Variants in CD2AP observed in about 807,000 individuals in gnomAD.
The protein encoded by CD2AP is CD2-associated protein.
Under a neutral mutation model 85.1 loss-of-function variants are expected in CD2AP, and 46 were observed. The ratio of observed to expected loss-of-function variants is 0.54; its 90% CI spans 0.43 to 0.69. CD2AP has a LOEUF of 0.69. Ranked by LOEUF, CD2AP falls within the 30% of genes least tolerant of loss-of-function variation. CD2AP has a pLI of 0.00. For missense variants in CD2AP, 769 were observed against 729.5 expected, an observed-to-expected ratio of 1.05 and a Z score of -0.62; for synonymous variants, 255 against 252.9, an observed-to-expected ratio of 1.01 and a Z score of -0.08.
chr6:47,599,253 AG>A lies in CD2AP; in HGVS notation c.1275-47del, dbSNP rs774028312. The A allele has an allele frequency of 2.1e-5, 32 of 1,511,920 alleles. No homozygotes were observed. In the South Asian group the frequency reaches 3.5e-4, roughly 17 times the overall value. The allele number at this position is 1,511,920 out of a possible 1,614,324, so 93.7% of individuals were successfully genotyped here. A position where few individuals can be genotyped will look rare whatever the true frequency, so the allele number is the denominator to read the frequency against. On this transcript the variant is annotated intron_variant, in intron 12 of 17. Transcript: ENST00000359314. ...GTCATTAAATCACAATTTAAAAAAA[AG>A]TCGTGTTTCATACTAGTGATTTTTG...
At chr6:47,498,033 G>A (rs1050667687) in intron 1 of CD2AP, among the ~76,000 whole-genome samples, 1 of 145,984 alleles carries the variant, frequency 6.9e-6, no homozygotes, top group Non-Finnish European at 1.5e-5. Context: ...TTAATTTTGC[G>A]CAGCTGCAAA....
chr6:47,498,019 T>C (rs1388579387), intron 1 of CD2AP, among the ~76,000 whole-genome samples: 1 of 152,114 alleles, frequency 6.6e-6, no homozygotes, highest in Non-Finnish European at 1.5e-5. Flanking sequence ...TTTTGGTTCA[T>C]ATTTTAATTT....
Position 47,576,524 on chromosome 6 carries a change from C to A in CD2AP, c.730C>A (p.Pro244Thr). ...TTTATGCCATTTTTTTCTATTCTAG[C>A]CCTTAATCCTACAGTCACTGGGACC... ...SETEEKKPEK[P>T]LILQSLGPKT... The change falls in exon 7 of 18, where the codon CCC (proline) becomes ACC (threonine). Residue 244 changes from proline (P) to threonine (T), a missense_variant and splice_region_variant. Pro to Thr is a conservative substitution (Grantham distance 38). Coordinates refer to ENST00000359314, the MANE Select transcript of CD2AP (RefSeq NM_012120.3). 1 of 1,600,598 alleles carries A rather than the reference C, an allele frequency of 6.2e-7. No individual in the cohort carries two copies. The highest frequency in any genetic ancestry group is 8.6e-7 in the Non-Finnish European group (1 of 1,168,210).
chr6:47,577,075 A>G lies in CD2AP; in HGVS notation c.875A>G (p.Glu292Gly). Residue 292 changes from glutamate to glycine, a missense_variant, in exon 8 of 18, where the codon GAG becomes GGG. By Grantham distance (98) the Glu-to-Gly change is moderately conservative. Transcript: ENST00000359314. ...AATGAAGATGAACTTACTTTTAAAGAGGGGGAGATAATCCATTTGATAAGT... is the reference window on the plus strand; with the variant it reads ...AATGAAGATGAACTTACTTTTAAAGGGGGGGAGATAATCCATTTGATAAGT... ...GTNEDELTFKEGEIIHLISKE... is the reference protein window; with the variant it reads ...GTNEDELTFKGGEIIHLISKE... 1 of 1,528,950 alleles carries G rather than the reference A, an allele frequency of 6.5e-7. No homozygotes were observed. Among genetic ancestry groups the G allele is most frequent in the Non-Finnish European group, 9.1e-7 (1 of 1,102,838 alleles). 94.7% of individuals were successfully genotyped at this position (1,528,950 alleles called of 1,614,324 possible). A position where few individuals can be genotyped will look rare whatever the true frequency, so the allele number is the denominator to read the frequency against.
chr6:47,492,595 C>G (rs1015378737), intron 1 of CD2AP, among the ~76,000 whole-genome samples: 11 of 152,058 alleles, frequency 7.2e-5, no homozygotes, highest in Non-Finnish European at 1.2e-4. Context: ...ATCCTCCCGC[C>G]TGGGATTACA....
At chr6:47,528,962 C>A (rs1045469714) in intron 2 of CD2AP, among the ~76,000 whole-genome samples, 1 of 152,124 alleles carries the variant, frequency 6.6e-6, no homozygotes, top group African/African-American at 2.4e-5. Context: ...TTCTCACTCT[C>A]TTGATACGTT....
chr6:47,589,177 T>C (rs1768707243), intron 11 of CD2AP, among the ~76,000 whole-genome samples: 2 of 152,070 alleles, frequency 1.3e-5, no homozygotes, highest in African/African-American at 4.8e-5. Flanking sequence ...GACATGGGAT[T>C]TGATACGAAA....
At chr6:47,579,892 C>G in intron 9 of CD2AP, 1 of 168,752 alleles carries the variant, frequency 5.9e-6, no homozygotes, top group Non-Finnish European at 1.3e-5. Flanking sequence ...CAAGAGCACT[C>G]TGCCTCCTTA....
chr6:47,598,418 A>G (rs1424791120), intron 12 of CD2AP, among the ~76,000 whole-genome samples: 1 of 151,018 alleles, frequency 6.6e-6, no homozygotes, highest in Non-Finnish European at 1.5e-5. Flanking sequence ...CCAGAGGAAA[A>G]TAAGTTATTA....
At chr6:47,520,775 G>T (rs1243755924) in intron 2 of CD2AP, among the ~76,000 whole-genome samples, 1 of 145,860 alleles carries the variant, frequency 6.9e-6, no homozygotes, top group Non-Finnish European at 1.5e-5. Flanking sequence ...TTTGACTGTG[G>T]CACAGTGGTT....
At chr6:47,524,031 C>T (rs1766661502) in intron 2 of CD2AP, among the ~76,000 whole-genome samples, 1 of 152,026 alleles carries the variant, frequency 6.6e-6, no homozygotes, top group African/African-American at 2.4e-5. Context: ...TTATTTGTAC[C>T]ATTTCCCCCT....
chr6:47,518,394 G>A (rs1430133586), intron 2 of CD2AP, among the ~76,000 whole-genome samples: 3 of 152,116 alleles, frequency 2.0e-5, no homozygotes, highest in Non-Finnish European at 4.4e-5. Context: ...CAGGCTAGTG[G>A]CAACCACTGA....
intron 8 of CD2AP, 136 bp from the exon 9 acceptor site, chr6:47,579,249 C>A: frequency 1.6e-6 from 1 of 628,396 alleles, no homozygotes; most frequent in Non-Finnish European, 2.9e-6. Context: ...TTGGGAGGAT[C>A]ACTTGAGCCC....
At position 47,493,170 on chromosome 6, in the gene CD2AP, GCTT is replaced by G. The variant is rs549977574; in HGVS notation, c.5-10102_5-10100del. On this transcript the variant is annotated intron_variant, in intron 1 of 17. Coordinates refer to ENST00000359314, the MANE Select transcript of CD2AP (RefSeq NM_012120.3). ...TTTTATCTTCATTTATTCCTTCTATGCTTCTTCTTCATATTGATTTGAGTTTCT... is the reference window on the plus strand; with the variant it reads ...TTTTATCTTCATTTATTCCTTCTATGCTTCTTCATATTGATTTGAGTTTCT... Among the ~76,000 whole-genome samples the G allele has an allele frequency of 6.1e-4, 93 of 151,772 alleles. No homozygotes were observed. The South Asian group carries it at 0.018, about 30-fold the overall frequency.
At chr6:47,487,210 A>G (rs909942724) in intron 1 of CD2AP, among the ~76,000 whole-genome samples, 2 of 152,124 alleles carry the variant, frequency 1.3e-5, no homozygotes, top group Non-Finnish European at 2.9e-5. Context: ...GATCAAAACA[A>G]TTTTTTTAAT....
rs538739578 is a variant in CD2AP, at chr6:47,478,226, C to G, written c.-19C>G. 43 of 1,568,548 alleles carry G rather than the reference C, an allele frequency of 2.7e-5. 1 individual carries two copies. In the South Asian group the frequency reaches 4.7e-4, roughly 17 times the overall value. On this transcript the variant is annotated 5_prime_UTR_variant, in exon 1 of 18. Transcript: ENST00000359314. ...GGAGGAGGAGCGGACGTCGGCTTCT[C>G]CCCGCGGGAGCCCCCAGCATGGGTA...
chr6:47,494,047 G>A (rs918805854), intron 1 of CD2AP, among the ~76,000 whole-genome samples: 4 of 152,054 alleles, frequency 2.6e-5, no homozygotes, highest in African/African-American at 7.2e-5. Context: ...AAAATGTGTT[G>A]TATCTGAGTC....
At chr6:47,561,499 T>C (rs1350805496) in intron 5 of CD2AP, among the ~76,000 whole-genome samples, 1 of 151,502 alleles carries the variant, frequency 6.6e-6, no homozygotes, top group African/African-American at 2.4e-5. Flanking sequence ...AGAGGAATAG[T>C]GTTTGGGCAT....
chr6:47,586,919 A>C (rs1446182068), intron 11 of CD2AP, among the ~76,000 whole-genome samples: 1 of 152,230 alleles, frequency 6.6e-6, no homozygotes, highest in Non-Finnish European at 1.5e-5. Context: ...AAGAGAAGGC[A>C]TAACAAAGGA....
Sources: allele counts gnomAD v4.1 joint callset (sites outside exome capture counted in the v4.1 genomes callset), GRCh38; gene constraint gnomAD v4.1.1; transcripts MANE v1.5; gene names NCBI Gene and HGNC (gene_info 2026-07-23, HGNC 2026-07-21).